The following SLC6A18 variants were observed in gnomAD, a reference collection of about 807,000 sequenced individuals.
The protein encoded by SLC6A18 is solute carrier family 6 member 18.
A neutral mutation model predicts 62.9 loss-of-function variants in SLC6A18; 58 were observed. That is an observed-to-expected ratio of 0.92 (90% confidence interval 0.75 to 1.15). The LOEUF (loss-of-function observed/expected upper bound fraction) is 1.15, where lower values mean the gene tolerates loss of function less well. SLC6A18 is among the 50% of genes most tolerant of loss of function. The pLI is 0.00. For synonymous variants in SLC6A18, 382 were observed against 365.8 expected (o/e 1.04, Z -0.51); for missense variants, 793 against 836.6 (o/e 0.95, Z 0.64).
At chr5:1,235,883 G>A (rs1746871967) in intron 4 of SLC6A18, among the ~76,000 whole-genome samples, 1 of 152,138 alleles carries the variant, frequency 6.6e-6, no homozygotes, top group Non-Finnish European at 1.5e-5. Flanking sequence ...TTTTAAAATA[G>A]CCACTCCAGA....
At position 1,240,638 on chromosome 5, in the gene SLC6A18, A is replaced by G. The variant is rs1747029740; in HGVS notation, c.953A>G (p.Asp318Gly). The change falls in exon 7 of 12, where the codon GAC becomes GGC. Residue 318 changes from aspartate to glycine, a missense_variant. Asp to Gly is a moderately conservative substitution (Grantham distance 94). Coordinates refer to ENST00000324642, the MANE Select transcript of SLC6A18 (RefSeq NM_182632.3). The part of the protein sequence containing the change: ...FSVLGFKATN[D>G]YEHCLDRNIL... ...GTCCTGGGGTTCAAAGCAACTAATG[A>G]CTACGAGCACTGCCTGGACAGGTGA... 2.5e-6 allele frequency: 4 copies of G among 1,614,012 alleles called. No individual in the cohort carries two copies. The East Asian group carries it at 8.9e-5, about 36-fold the overall frequency.
chr5:1,237,649 G>T (rs904144200), intron 4 of SLC6A18, among the ~76,000 whole-genome samples: 2 of 152,208 alleles, frequency 1.3e-5, no homozygotes, highest in Non-Finnish European at 2.9e-5. Context: ...CCCCTCTTCA[G>T]GGCCCAGCCC....
Position 1,232,345 on chromosome 5 carries a change from AC to A in SLC6A18, c.289del (p.Leu97SerfsTer4), listed in dbSNP as rs757401733. 2 of 1,610,728 alleles carry A rather than the reference AC, an allele frequency of 1.2e-6. No homozygotes were observed. The highest frequency in any genetic ancestry group is 2.2e-5 in the South Asian group (2 of 90,344). ...GGCGTGTGGACGGCCATCTCCCCGT[AC>A]CTCAGTGGAGTAGGTAGGCCACCGT... ...SVGVWTAISP[Y>X]LSGVGLGCVT... On this transcript the variant is annotated frameshift_variant, in exon 2 of 12. Transcript: ENST00000324642. LOFTEE classifies it high-confidence loss of function.
At chr5:1,228,487 T>C (rs898307082) in intron 1 of SLC6A18, among the ~76,000 whole-genome samples, 3 of 152,226 alleles carry the variant, frequency 2.0e-5, no homozygotes, top group African/African-American at 7.2e-5. Flanking sequence ...GCTCAGTGGC[T>C]GCACTGCGGC....
chr5:1,244,174 C>T, intron 9 of SLC6A18, 40 bp from the exon 10 acceptor site: 1 of 885,232 alleles, frequency 1.1e-6, no homozygotes, highest in Non-Finnish European at 1.8e-6. Flanking sequence ...CCTCCACTCC[C>T]CATCCCCTTA....
At chr5:1,227,759 A>G (rs1160149271) in intron 1 of SLC6A18, among the ~76,000 whole-genome samples, 2 of 152,238 alleles carry the variant, frequency 1.3e-5, no homozygotes, top group African/African-American at 4.8e-5. Flanking sequence ...CACCTATGAC[A>G]TTTCATGGCA....
At chr5:1,242,976 C>T (rs1747105868) in intron 8 of SLC6A18, 113 bp downstream of exon 8, 2 of 1,281,748 alleles carry the variant, frequency 1.6e-6, no homozygotes, top group Non-Finnish European at 2.1e-6. Context: ...GACCCAGGGC[C>T]AGGGCCTGTG....
At chr5:1,232,603 C>A (rs998659743) in intron 2 of SLC6A18, 148 bp from the exon 3 acceptor site, 16 of 1,199,396 alleles carry the variant, frequency 1.3e-5, no homozygotes, top group South Asian at 6.3e-5. Context: ...TTGCCATTCA[C>A]ATGTGAGGTG....
At chr5:1,237,412 G>A (rs1157400253) in intron 4 of SLC6A18, among the ~76,000 whole-genome samples, 1 of 152,094 alleles carries the variant, frequency 6.6e-6, no homozygotes, top group Non-Finnish European at 1.5e-5. Flanking sequence ...AGCTCTATGT[G>A]GGCAGAAGGG....
intron 11 of SLC6A18, 101 bp from the exon 12 acceptor site, chr5:1,245,747 C>T (rs933136259): frequency 1.6e-6 from 2 of 1,253,686 alleles, no homozygotes; most frequent in Non-Finnish European, 2.2e-6. Context: ...CATCCAAGTC[C>T]GGGTGGGCAG....
Position 1,241,565 on chromosome 5 carries a change from G to A in SLC6A18, c.974+906G>A, listed in dbSNP as rs996897075. On this transcript the variant is annotated intron_variant, in intron 7 of 11. Coordinates refer to ENST00000324642, the MANE Select transcript of SLC6A18 (RefSeq NM_182632.3). This position sits in a 1 kb window ranked among gnomAD's most constrained non-coding sequence, Gnocchi z 7.8. Reference sequence around the variant, plus strand: ...ACTGCACCTGATGGCACTTTTCAACGGGGACGTCACCAAGAAAACGCACAC... The same window carrying A: ...ACTGCACCTGATGGCACTTTTCAACAGGGACGTCACCAAGAAAACGCACAC... Among the ~76,000 whole-genome samples, 5 of 152,142 alleles carry A rather than the reference G, an allele frequency of 3.3e-5. No homozygotes were observed. Among genetic ancestry groups the A allele is most frequent in the African/African-American group, 7.2e-5 (3 of 41,432 alleles).
chr5:1,234,021 G>A (rs560677647), intron 3 of SLC6A18, among the ~76,000 whole-genome samples: 24 of 152,246 alleles, frequency 1.6e-4, no homozygotes, highest in Middle Eastern at 3.4e-3. Flanking sequence ...GATTACAGGC[G>A]TGAGCCACCG....
chr5:1,235,354 G>C, intron 3 of SLC6A18, 127 bp from the exon 4 acceptor site: 1 of 849,774 alleles, frequency 1.2e-6, no homozygotes, highest in East Asian at 2.7e-5. Context: ...GGCCCAAAAA[G>C]AAGTGAAAGG....
chr5:1,228,925 C>T lies in SLC6A18; in HGVS notation c.160+3288C>T, dbSNP rs1002717642. Among the ~76,000 whole-genome samples the T allele has an allele frequency of 3.3e-5, 5 of 152,314 alleles. No homozygotes were observed. In the East Asian group the frequency reaches 5.8e-4, roughly 18 times the overall value. ...AGACATTCTTACCATGTGGAATCAACGCTTCTTCTTCCTTCAAATTCGGAA... is the reference window on the plus strand; with the variant it reads ...AGACATTCTTACCATGTGGAATCAATGCTTCTTCTTCCTTCAAATTCGGAA... On this transcript the variant is annotated intron_variant, in intron 1 of 11. Coordinates refer to ENST00000324642, the MANE Select transcript of SLC6A18 (RefSeq NM_182632.3).
At chr5:1,233,656 T>C (rs1341204037) in intron 3 of SLC6A18, among the ~76,000 whole-genome samples, 3 of 150,164 alleles carry the variant, frequency 2.0e-5, no homozygotes, top group African/African-American at 4.9e-5. Context: ...CAAGCATGGC[T>C]CACTGCAACC....
intron 4 of SLC6A18, among the ~76,000 whole-genome samples, chr5:1,236,005 G>A (rs545627850): frequency 6.6e-6 from 1 of 152,248 alleles, no homozygotes; most frequent in Admixed American, 6.5e-5. Flanking sequence ...ATTGGATCTG[G>A]CTGTTTTAAC....
At chr5:1,235,368 C>T (rs1319630330) in intron 3 of SLC6A18, 113 bp from the exon 4 acceptor site, 1 of 1,050,308 alleles carries the variant, frequency 9.5e-7, no homozygotes, top group East Asian at 2.6e-5. Flanking sequence ...TGAAAGGGCA[C>T]CTCAGCCCAA....
intron 1 of SLC6A18, among the ~76,000 whole-genome samples, chr5:1,227,087 C>T (rs1267652627): frequency 1.5e-5 from 2 of 136,892 alleles, no homozygotes; most frequent in South Asian, 2.3e-4. Flanking sequence ...TGCCCGCCGA[C>T]GCCTTGCCCG....
chr5:1,232,856 G>T lies in SLC6A18; in HGVS notation c.407G>T (p.Trp136Leu). The T allele has an allele frequency of 6.2e-7, 1 of 1,613,066 alleles. No individual in the cohort carries two copies. Among genetic ancestry groups the T allele is most frequent in the Non-Finnish European group, 8.5e-7 (1 of 1,179,900 alleles). ...AACTCCTTCCAGCACCCGCTGCCCT[G>T]GAGCTCCTGCCCACCGGACCTCAAC... ...LLNSFQHPLP[W>L]SSCPPDLNRT... Residue 136 changes from tryptophan (W) to leucine (L), a missense_variant, in exon 3 of 12, where the codon TGG (tryptophan) becomes TTG (leucine). Transcript: ENST00000324642.
Sources: allele counts gnomAD v4.1 joint callset (sites outside exome capture counted in the v4.1 genomes callset), GRCh38; gene constraint gnomAD v4.1.1; non-coding constraint Gnocchi (gnomAD v3.1); transcripts MANE v1.5; gene names NCBI Gene and HGNC (gene_info 2026-07-23, HGNC 2026-07-21).